ZNF366: variants seen among roughly 807,000 people sequenced by gnomAD.
ZNF366 encodes the protein dendritic cell-specific transcript protein.
Under a neutral mutation model 47.2 loss-of-function variants are expected in ZNF366, and 20 were observed. The observed-to-expected ratio is 0.42, with a 90% CI of 0.30 to 0.62. ZNF366 has a LOEUF of 0.62. ZNF366 is among the 20% of genes least tolerant of loss of function. ZNF366 has a pLI of 0.16. For missense variants in ZNF366, 987 were observed against 976.3 expected (o/e 1.01, Z -0.15); for synonymous variants, 421 against 395.1 (o/e 1.07, Z -0.78).
At position 72,441,960 on chromosome 5, in the gene ZNF366, T is replaced by A. The variant is rs1027802004; in HGVS notation, c.*1796A>T. ...AAGTAAGTCTGACCTGCTGGGCCCA[T>A]CCCACCCAATAGAGTCATTTCCACT... On this transcript the variant is annotated 3_prime_UTR_variant, in exon 5 of 5. Coordinates refer to ENST00000318442, the MANE Select transcript of ZNF366 (RefSeq NM_152625.3). 15 of 152,164 alleles carry A rather than the reference T, an allele frequency of 9.9e-5. No individual in the cohort carries two copies. Among genetic ancestry groups the A allele is most frequent in the African/African-American group, 3.4e-4 (14 of 41,426 alleles). The allele number at this position is 152,164 out of a possible 1,614,324, so 9.4% of individuals were successfully genotyped here.
intron 2 of ZNF366, among the ~76,000 whole-genome samples, chr5:72,458,974 A>G (rs1167048859): frequency 1.3e-5 from 2 of 152,180 alleles, no homozygotes; most frequent in South Asian, 2.1e-4. Context: ...CCCTGAAGTT[A>G]GCGAATGGTC....
chr5:72,484,127 T>C (rs1372423516), intron 1 of ZNF366, among the ~76,000 whole-genome samples: 1 of 152,190 alleles, frequency 6.6e-6, no homozygotes, highest in Admixed American at 6.5e-5. Context: ...AGAATGTATC[T>C]CTTAAACATG....
At position 72,460,648 on chromosome 5, in the gene ZNF366, G is replaced by A. The variant is rs1369374639; in HGVS notation, c.849C>T (p.Cys283=). 1.2e-6 allele frequency: 2 copies of A among 1,614,124 alleles called. No individual in the cohort carries two copies. The highest frequency in any genetic ancestry group is 1.7e-6 in the Non-Finnish European group (2 of 1,180,046). The change falls in exon 2 of 5, where the codon TGC becomes TGT. Residue 283 remains cysteine (C), a synonymous_variant. Coordinates refer to ENST00000318442, the MANE Select transcript of ZNF366 (RefSeq NM_152625.3). ...LGHSGIKPHA[C]THCGKLFKQL... ...GCTTGAAGAGCTTCCCGCAGTGCGT[G>A]CACGCGTGCGGCTTGATCCCACTGT...
chr5:72,504,482 A>G (rs2112360923), intron 1 of ZNF366, among the ~76,000 whole-genome samples: 1 of 152,352 alleles, frequency 6.6e-6, no homozygotes, highest in Admixed American at 6.5e-5. Flanking sequence ...TGTGTTGAAT[A>G]CAGCTGCATT....
intron 1 of ZNF366, among the ~76,000 whole-genome samples, chr5:72,466,542 A>G (rs1377805869): frequency 6.6e-6 from 1 of 152,206 alleles, no homozygotes; most frequent in African/African-American, 2.4e-5. Flanking sequence ...AATTCTTGCT[A>G]AACTGTGAAG....
rs972289158 is a variant in ZNF366 at position 72,440,611 on chromosome 5, A to T, written c.*3145T>A. ...GGCTTGCCTTCTGGTTCATCAGCTC[A>T]TTAGGCAAGGCTGGCCAACCCTTCC... On this transcript the variant is annotated 3_prime_UTR_variant, in exon 5 of 5. Transcript: ENST00000318442. 2 of 152,222 alleles carry T rather than the reference A, an allele frequency of 1.3e-5. No individual in the cohort carries two copies. Among genetic ancestry groups the T allele is most frequent in the African/African-American group, 2.4e-5 (1 of 41,452 alleles). The allele number at this position is 152,222 out of a possible 1,614,324, so 9.4% of individuals were successfully genotyped here.
In ZNF366 at chr5:72,440,482, T is replaced by A. The variant is rs1384342338; in HGVS notation, c.*3274A>T. On this transcript the variant is annotated 3_prime_UTR_variant, in exon 5 of 5. Coordinates refer to ENST00000318442, the MANE Select transcript of ZNF366 (RefSeq NM_152625.3). ...CTGGAAAGCATTTGGTAGTGACCTA[T>A]TTTCAGAGTCTCACAATATGATATT... 1 of 152,232 alleles carries A rather than the reference T, an allele frequency of 6.6e-6. No homozygotes were observed. The highest frequency in any genetic ancestry group is 1.9e-4 in the East Asian group (1 of 5,204). The allele number at this position is 152,232 out of a possible 1,614,324, so 9.4% of individuals were successfully genotyped here.
chr5:72,449,248 G>GT (rs34857525), intron 3 of ZNF366, among the ~76,000 whole-genome samples: 42,016 of 143,960 alleles, frequency 0.29, 6,389 homozygotes, highest in African/African-American at 0.34. Context: ...TGGCTGAAAG[G>GT]TTTTTTTTTT....
intron 1 of ZNF366, among the ~76,000 whole-genome samples, chr5:72,495,084 C>G (rs963435270): frequency 6.6e-6 from 1 of 151,986 alleles, no homozygotes; most frequent in African/African-American, 2.4e-5. Context: ...TTGTGGGGAG[C>G]AGAATTTACT....
At chr5:72,504,618 T>A (rs1333049890) in intron 1 of ZNF366, among the ~76,000 whole-genome samples, 1 of 152,204 alleles carries the variant, frequency 6.6e-6, no homozygotes, top group Non-Finnish European at 1.5e-5. Flanking sequence ...TGCCCAACTC[T>A]AAAGCTGTGA....
rs1277425516 is a variant in ZNF366 at position 72,441,506 on chromosome 5, C to T, written c.*2250G>A. On this transcript the variant is annotated 3_prime_UTR_variant, in exon 5 of 5. Coordinates refer to ENST00000318442, the MANE Select transcript of ZNF366 (RefSeq NM_152625.3). The stretch of plus-strand genomic sequence containing the variant: ...TTGTGCTTGTAACCACAGAAACCCA[C>T]AGTCTTCTCTTCACAATCTCCGTTG... 1 of 152,340 alleles carries T rather than the reference C, an allele frequency of 6.6e-6. No individual in the cohort carries two copies. The highest frequency in any genetic ancestry group is 1.5e-5 in the Non-Finnish European group (1 of 68,126). 9.4% of individuals were successfully genotyped at this position (152,340 alleles called of 1,614,324 possible). A position where few individuals can be genotyped will look rare whatever the true frequency, so the allele number is the denominator to read the frequency against.
chr5:72,483,240 G>C (rs927387917), intron 1 of ZNF366, among the ~76,000 whole-genome samples: 2 of 152,192 alleles, frequency 1.3e-5, no homozygotes, highest in Non-Finnish European at 2.9e-5. Context: ...GTCTTGGGTA[G>C]TAACTCAGAG....
At chr5:72,501,695 T>G (rs889634691) in intron 1 of ZNF366, among the ~76,000 whole-genome samples, 1 of 152,218 alleles carries the variant, frequency 6.6e-6, no homozygotes, top group Non-Finnish European at 1.5e-5. Flanking sequence ...AGCTGAACAC[T>G]TCCTACAAGG....
At chr5:72,446,880 T>C (rs1742971504) in intron 4 of ZNF366, among the ~76,000 whole-genome samples, 1 of 152,210 alleles carries the variant, frequency 6.6e-6, no homozygotes, top group Non-Finnish European at 1.5e-5. Context: ...AGAGCAACTT[T>C]GGGCAAATTG....
intron 1 of ZNF366, among the ~76,000 whole-genome samples, chr5:72,495,445 C>T (rs1486435083): frequency 6.6e-6 from 1 of 152,050 alleles, no homozygotes; most frequent in African/African-American, 2.4e-5. Context: ...AAGCAGCTGC[C>T]CCTAGGACGT....
chr5:72,443,971 C>T lies in ZNF366; in HGVS notation c.2020G>A (p.Glu674Lys), dbSNP rs80030847. Reference sequence around the variant, plus strand: ...TCACCCTTGCTCCTCTTCTCCCATTCTCCCTTGGATGCATCCTCCTTCTCC... The same window carrying T: ...TCACCCTTGCTCCTCTTCTCCCATTTTCCCTTGGATGCATCCTCCTTCTCC... ...KEEKEDASKG[E>K]WEKRSKGDLG... Residue 674 changes from glutamate to lysine, a missense_variant, in exon 5 of 5, where the codon GAA becomes AAA. Around this residue, in one of 3 missense-constraint regions of ZNF366, gnomAD observed 285 missense variants for 234.8 expected, o/e 1.21. Transcript: ENST00000318442. 2.2e-5 allele frequency: 35 copies of T among 1,614,212 alleles called. No homozygotes were observed. In the East Asian group the frequency reaches 6.7e-4, roughly 31 times the overall value.
chr5:72,501,561 G>A (rs1744210403), intron 1 of ZNF366, among the ~76,000 whole-genome samples: 2 of 152,174 alleles, frequency 1.3e-5, no homozygotes, highest in African/African-American at 4.8e-5. Flanking sequence ...AAAGGAAAGG[G>A]TATTGTGCTC....
At chr5:72,454,112 T>G (rs1478359806) in intron 3 of ZNF366, among the ~76,000 whole-genome samples, 1 of 152,200 alleles carries the variant, frequency 6.6e-6, no homozygotes, top group African/African-American at 2.4e-5. Context: ...CTCTTATGGG[T>G]TGTGATGGTG....
chr5:72,457,716 T>A (rs548618746), intron 2 of ZNF366, among the ~76,000 whole-genome samples: 4 of 152,280 alleles, frequency 2.6e-5, no homozygotes, highest in African/African-American at 9.6e-5. Context: ...AAACCTTAGA[T>A]GAGTCGTGTG....
Sources: gnomAD v4.1 joint callset for allele counts (sites outside exome capture counted in the v4.1 genomes callset) on GRCh38, gnomAD v4.1.1 for gene constraint, gnomAD v4.1.1 regional missense constraint, MANE v1.5 for transcripts, NCBI Gene and HGNC (gene_info 2026-07-23, HGNC 2026-07-21) for gene names.